ADAMTS6: variants seen among roughly 807,000 people sequenced by gnomAD.
ADAMTS6 encodes the protein ADAM metallopeptidase with thrombospondin type 1 motif 6.
Under a neutral mutation model 144.3 loss-of-function variants are expected in ADAMTS6, and 23 were observed. The observed-to-expected ratio is 0.16, with a 90% CI of 0.11 to 0.23. ADAMTS6 has a LOEUF of 0.23. Ranked by LOEUF, ADAMTS6 falls within the 10% of genes least tolerant of loss-of-function variation. ADAMTS6 has a pLI of 1.00. For missense variants in ADAMTS6, 999 were observed against 1,379.6 expected (o/e 0.72, Z 4.37); for synonymous variants, 444 against 457.5 (o/e 0.97, Z 0.38).
chr5:65,418,741 A>G (rs1043593223), intron 7 of ADAMTS6, among the ~76,000 whole-genome samples: 1 of 152,226 alleles, frequency 6.6e-6, no homozygotes, highest in Non-Finnish European at 1.5e-5. Flanking sequence ...GGGCAAAAAC[A>G]TGAACAGACA....
Position 65,383,708 on chromosome 5 carries a change from A to G in ADAMTS6, c.1074-49623T>C, listed in dbSNP as rs543588003. Among the ~76,000 whole-genome samples, 10 of 151,882 alleles carry G rather than the reference A, an allele frequency of 6.6e-5. No individual in the cohort carries two copies. In the South Asian group the frequency reaches 1.7e-3, roughly 25 times the overall value. ...GCTCTGGGGTGTTGGGGGCATTCCC[A>G]CCCCCACAGCTCCACTGGTCATTGC... On this transcript the variant is annotated intron_variant, in intron 7 of 24. Coordinates refer to ENST00000381055, the MANE Select transcript of ADAMTS6 (RefSeq NM_197941.4).
At position 65,224,351 on chromosome 5, in the gene ADAMTS6, A is replaced by G. The variant is rs1757559103; in HGVS notation, c.2241T>C (p.Val747=). Residue 747 remains valine (V), a synonymous_variant, in exon 18 of 25, where the codon GTT becomes GTC. Coordinates refer to ENST00000381055, the MANE Select transcript of ADAMTS6 (RefSeq NM_197941.4). ...QIPRGSVHIE[V]REVAMSKNYI... Reference sequence around the variant, plus strand: ...AGTTCTTTGACATGGCAACTTCTCTAACTTCAATGTGAACAGAGCCTCTTG... The same window carrying G: ...AGTTCTTTGACATGGCAACTTCTCTGACTTCAATGTGAACAGAGCCTCTTG... 6.2e-7 allele frequency: 1 copy of G among 1,614,128 alleles called. No homozygotes were observed. The highest frequency in any genetic ancestry group is 8.5e-7 in the Non-Finnish European group (1 of 1,180,006).
chr5:65,447,578 C>G (rs1318905977), intron 7 of ADAMTS6, among the ~76,000 whole-genome samples: 1 of 151,894 alleles, frequency 6.6e-6, no homozygotes, highest in African/African-American at 2.4e-5. Context: ...TGTATTTTGC[C>G]TTCAAAAATT....
intron 7 of ADAMTS6, among the ~76,000 whole-genome samples, chr5:65,350,057 C>G (rs548469278): frequency 6.6e-6 from 1 of 152,238 alleles, no homozygotes; most frequent in Admixed American, 6.5e-5. Flanking sequence ...TTCAAAAATG[C>G]TAAAATACGT....
intron 9 of ADAMTS6, among the ~76,000 whole-genome samples, chr5:65,305,602 C>CG (rs1169700894): frequency 6.6e-6 from 1 of 151,984 alleles, no homozygotes; most frequent in Non-Finnish European, 1.5e-5. Context: ...TGGCAAACCT[C>CG]GGGCCCACCC....
chr5:65,247,566 T>C (rs891104652), intron 14 of ADAMTS6, among the ~76,000 whole-genome samples: 4 of 152,226 alleles, frequency 2.6e-5, no homozygotes, highest in African/African-American at 9.6e-5. Context: ...GAAATACACA[T>C]CAAAATGTCT....
At chr5:65,435,872 C>T (rs1303446432) in intron 7 of ADAMTS6, among the ~76,000 whole-genome samples, 4 of 151,998 alleles carry the variant, frequency 2.6e-5, no homozygotes, top group African/African-American at 4.8e-5. Flanking sequence ...GTGATCCACC[C>T]GCCTCGGCCT....
intron 7 of ADAMTS6, among the ~76,000 whole-genome samples, chr5:65,368,919 G>T (rs1032009400): frequency 2.5e-4 from 38 of 152,154 alleles, no homozygotes; most frequent in Admixed American, 2.0e-3. Context: ...AGCTAGGTAT[G>T]GTAGCACACA....
chr5:65,446,589 A>G (rs149089237), intron 7 of ADAMTS6, among the ~76,000 whole-genome samples: 1 of 152,344 alleles, frequency 6.6e-6, no homozygotes, highest in African/African-American at 2.4e-5. Context: ...GGCAGTCTTA[A>G]AAGGTGTCTT....
chr5:65,158,636 T>A (rs1447532170), intron 24 of ADAMTS6, among the ~76,000 whole-genome samples: 1 of 152,186 alleles, frequency 6.6e-6, no homozygotes, highest in African/African-American at 2.4e-5. Flanking sequence ...TTACTCTGAG[T>A]AGTATTGCAA....
At chr5:65,470,687 TATATA>T in intron 3 of ADAMTS6, 86 bp downstream of exon 3, 3 of 1,054,902 alleles carry the variant, frequency 2.8e-6, no homozygotes, top group Non-Finnish European at 2.5e-6. Flanking sequence ...CCTATATATA[TATATA>T]TTTTTTTTTT....
At chr5:65,240,711 C>G (rs1380594848) in intron 15 of ADAMTS6, among the ~76,000 whole-genome samples, 1 of 152,078 alleles carries the variant, frequency 6.6e-6, no homozygotes, top group Admixed American at 6.5e-5. Flanking sequence ...CATGCTGACA[C>G]TTTGATCTTG....
intron 18 of ADAMTS6, among the ~76,000 whole-genome samples, chr5:65,223,008 T>G (rs1213680886): frequency 6.6e-6 from 1 of 151,598 alleles, no homozygotes; most frequent in African/African-American, 2.4e-5. Context: ...AAAAAAATTT[T>G]AAATGGGTAA....
At chr5:65,279,821 T>A (rs1002134998) in intron 11 of ADAMTS6, among the ~76,000 whole-genome samples, 1 of 152,228 alleles carries the variant, frequency 6.6e-6, no homozygotes, top group Non-Finnish European at 1.5e-5. Context: ...CTTAGATATT[T>A]CCCTATCTTT....
At chr5:65,360,706 C>A (rs1749745872) in intron 7 of ADAMTS6, among the ~76,000 whole-genome samples, 1 of 151,984 alleles carries the variant, frequency 6.6e-6, no homozygotes, top group Non-Finnish European at 1.5e-5. Context: ...TTTCTTATTT[C>A]ATTCACACGG....
intron 7 of ADAMTS6, among the ~76,000 whole-genome samples, chr5:65,341,960 A>G (rs748513895): frequency 1.9e-4 from 29 of 152,310 alleles, no homozygotes; most frequent in Non-Finnish European, 4.0e-4. Context: ...TGGCAAACCA[A>G]ATACAACAGC....
At chr5:65,426,146 A>C (rs1478216964) in intron 7 of ADAMTS6, among the ~76,000 whole-genome samples, 1 of 150,810 alleles carries the variant, frequency 6.6e-6, no homozygotes, top group African/African-American at 2.4e-5. Context: ...TCCCAAGTTC[A>C]AGCAATTCTC....
chr5:65,265,462 T>C (rs893410294), intron 12 of ADAMTS6, among the ~76,000 whole-genome samples: 6 of 152,020 alleles, frequency 3.9e-5, no homozygotes, highest in African/African-American at 1.4e-4. Context: ...CCAAATAATC[T>C]CCAGTTTTGT....
At chr5:65,429,601 C>G (rs1351686878) in intron 7 of ADAMTS6, among the ~76,000 whole-genome samples, 1 of 151,792 alleles carries the variant, frequency 6.6e-6, no homozygotes, top group Non-Finnish European at 1.5e-5. Context: ...AGCCATGAAC[C>G]CTTAGATGGG....
Sources: allele counts gnomAD v4.1 joint callset (sites outside exome capture counted in the v4.1 genomes callset), GRCh38; gene constraint gnomAD v4.1.1; transcripts MANE v1.5; gene names NCBI Gene and HGNC (gene_info 2026-07-23, HGNC 2026-07-21).